Variants in ZSCAN31 observed in about 807,000 individuals in gnomAD.
ZSCAN31 encodes zinc finger and SCAN domain containing 31.
Under a neutral mutation model 22.5 loss-of-function variants are expected in ZSCAN31, and 14 were observed. That is an observed-to-expected ratio of 0.62 (90% CI 0.41 to 0.97). The LOEUF is 0.97. Ranked by LOEUF, ZSCAN31 falls within the 50% of genes least tolerant of loss-of-function variation. The pLI is 0.00. For synonymous variants in ZSCAN31, 168 were observed against 169.8 expected (o/e 0.99, Z 0.08); for missense variants, 424 against 483.4 (o/e 0.88, Z 1.15).
chr6:28,329,053 A>G (rs1252780822), intron 2 of ZSCAN31, among the ~76,000 whole-genome samples: 2 of 151,996 alleles, frequency 1.3e-5, no homozygotes, highest in African/African-American at 4.8e-5. Context: ...AAGAACTAAG[A>G]CCTCCTGCCA....
chr6:28,339,719 A>G (rs1435974937), upstream of ZSCAN31, among the ~76,000 whole-genome samples: 1 of 152,242 alleles, frequency 6.6e-6, no homozygotes, highest in Non-Finnish European at 1.5e-5. Context: ...TATTTCTAAG[A>G]TAGTGTCCCC....
chr6:28,353,725 G>C, intron 2 of ZSCAN31: 1 of 421,000 alleles, frequency 2.4e-6, no homozygotes, highest in Non-Finnish European at 4.8e-6. Context: ...AACCTTGCGA[G>C]TGATTAAAGA....
At chr6:28,340,112 AATAG>A (rs1764357454), upstream of ZSCAN31, among the ~76,000 whole-genome samples, 1 of 152,268 alleles carries the variant, frequency 6.6e-6, no homozygotes, top group Admixed American at 6.5e-5. Context: ...CTGCAGTGGA[AATAG>A]ATAGGAATCT....
chr6:28,327,636 A>G (rs1763403600), intron 2 of ZSCAN31, 103 bp from the exon 3 acceptor site: 3 of 1,324,334 alleles, frequency 2.3e-6, no homozygotes, highest in Non-Finnish European at 3.1e-6. Context: ...CATTTTCTAG[A>G]GAGATGTCAC....
chr6:28,353,900 G>C (rs1170827981), exon 2 of ZSCAN31: 1 of 456,160 alleles, frequency 2.2e-6, no homozygotes, highest in South Asian at 1.5e-5. Context: ...CCCATACTGA[G>C]GTCCGAGGGG....
upstream of ZSCAN31, chr6:28,336,310 G>T (rs2113836483): frequency 6.6e-6 from 1 of 152,350 alleles, no homozygotes; most frequent in South Asian, 2.1e-4. Flanking sequence ...GAGAAATCCG[G>T]CGAGGCATTT....
chr6:28,329,419 T>G lies in ZSCAN31; in HGVS notation c.265A>C (p.Thr89Pro), dbSNP rs1167028603. The change falls in exon 2 of 4, where the codon ACT becomes CCT. Residue 89 changes from threonine to proline, a missense_variant. By Grantham distance (38) the Thr-to-Pro change is conservative. Transcript: ENST00000344279. ...GCCTGGAGCTCCTCAGGCAGGATAGTCAGGAATTGCTCCAGCACCAGCAGC... is the reference window on the plus strand; with the variant it reads ...GCCTGGAGCTCCTCAGGCAGGATAGGCAGGAATTGCTCCAGCACCAGCAGC... ...LELLVLEQFL[T>P]ILPEELQAWV... The G allele has an allele frequency of 1.2e-6, 2 of 1,614,186 alleles. No individual in the cohort carries two copies. Among genetic ancestry groups the G allele is most frequent in the Non-Finnish European group, 1.7e-6 (2 of 1,180,030 alleles).
chr6:28,328,814 A>G (rs1430926693), intron 2 of ZSCAN31, among the ~76,000 whole-genome samples: 2 of 152,234 alleles, frequency 1.3e-5, no homozygotes, highest in East Asian at 3.8e-4. Flanking sequence ...AAGAAATTAC[A>G]AAAGTATTAA....
upstream of ZSCAN31, among the ~76,000 whole-genome samples, chr6:28,339,728 C>T (rs1294235939): frequency 6.6e-6 from 1 of 152,142 alleles, no homozygotes; most frequent in Non-Finnish European, 1.5e-5. Flanking sequence ...GATAGTGTCC[C>T]CTTACCAGAT....
chr6:28,354,567 G>GTATACAGGCTGATACACAC (rs1765296608), upstream of ZSCAN31, among the ~76,000 whole-genome samples: 1 of 152,150 alleles, frequency 6.6e-6, no homozygotes, highest in Non-Finnish European at 1.5e-5. Flanking sequence ...TGTATACATA[G>GTATACAGGCTGATACACAC]AGGCTTGACA....
chr6:28,328,211 T>C (rs887762715), intron 2 of ZSCAN31, among the ~76,000 whole-genome samples: 1 of 152,212 alleles, frequency 6.6e-6, no homozygotes, highest in Non-Finnish European at 1.5e-5. Context: ...ACCACTGTCA[T>C]TGATAACATC....
upstream of ZSCAN31, chr6:28,336,981 CAG>C (rs1764206187): frequency 1.3e-5 from 2 of 152,012 alleles, no homozygotes; most frequent in African/African-American, 4.8e-5. Flanking sequence ...CTGCGTAAAA[CAG>C]ACGTGCATGT....
chr6:28,352,274 T>C (rs1765085945), intron 2 of ZSCAN31, among the ~76,000 whole-genome samples: 1 of 152,196 alleles, frequency 6.6e-6, no homozygotes, highest in Admixed American at 6.5e-5. Flanking sequence ...TTAAAAGTTA[T>C]TGATGTATTA....
At chr6:28,354,224 G>T, upstream of ZSCAN31, 1 of 304,252 alleles carries the variant, frequency 3.3e-6, no homozygotes, top group Non-Finnish European at 6.6e-6. Flanking sequence ...AGTGTCAGCA[G>T]GGCAATTATA....
chr6:28,342,982 T>A (rs1399073487), intron 2 of ZSCAN31, among the ~76,000 whole-genome samples: 1 of 152,242 alleles, frequency 6.6e-6, no homozygotes, highest in Non-Finnish European at 1.5e-5. Context: ...CTTTTTAGGA[T>A]GAACCTTTTA....
chr6:28,326,499 T>C lies in ZSCAN31; in HGVS notation c.888A>G (p.Gln296=), dbSNP rs1763278192. The change falls in exon 4 of 4, where the codon CAA becomes CAG. Residue 296 remains glutamine (Q), a synonymous_variant. Coordinates refer to ENST00000344279, the MANE Select transcript of ZSCAN31 (RefSeq NM_030899.5). ...RRSHTGEKPY[Q]CKECGKAFSA... The stretch of plus-strand genomic sequence containing the variant: ...TGAAGGCTTTCCCACACTCCTTACA[T>C]TGATAGGGTTTCTCTCCAGTGTGGC... 6.2e-7 allele frequency: 1 copy of C among 1,613,986 alleles called. No homozygotes were observed. Among genetic ancestry groups the C allele is most frequent in the Non-Finnish European group, 8.5e-7 (1 of 1,179,974 alleles).
intron 2 of ZSCAN31, among the ~76,000 whole-genome samples, chr6:28,344,064 A>T (rs551635395): frequency 2.6e-4 from 39 of 152,148 alleles, no homozygotes; most frequent in African/African-American, 3.1e-4. Context: ...TAAGGGTGTT[A>T]TATTGGTTCA....
rs767650859 is a variant in ZSCAN31, at chr6:28,327,504, T to G, written c.411A>C (p.Glu137Asp). ...GATGTTCCACATCCTCCAAGAGCAC[T>G]TCAGAATGTCCATGTTCATGGTCTG... ...QAPDHEHGHS[E>D]VLLEDVEHLK... The change falls in exon 3 of 4, where the codon GAA becomes GAC. Residue 137 changes from glutamate (E) to aspartate (D), a missense_variant. By Grantham distance (45) the Glu-to-Asp change is conservative (BLOSUM62 2). Coordinates refer to ENST00000344279, the MANE Select transcript of ZSCAN31 (RefSeq NM_030899.5). 6.2e-7 allele frequency: 1 copy of G among 1,613,746 alleles called. No homozygotes were observed.
At chr6:28,332,823 A>C (rs1763864297) in intron 1 of ZSCAN31, among the ~76,000 whole-genome samples, 1 of 152,252 alleles carries the variant, frequency 6.6e-6, no homozygotes, top group African/African-American at 2.4e-5. Context: ...TGTCCCCCTG[A>C]ACATCCCAAC....
Sources: allele counts gnomAD v4.1 joint callset (sites outside exome capture counted in the v4.1 genomes callset), GRCh38; gene constraint gnomAD v4.1.1; transcripts MANE v1.5; gene names NCBI Gene and HGNC (gene_info 2026-07-23, HGNC 2026-07-21).